HMCN1: variants seen among roughly 807,000 people sequenced by gnomAD.
The protein encoded by HMCN1 is hemicentin 1.
Under a neutral mutation model 625.9 loss-of-function variants are expected in HMCN1, and 321 were observed. That is an observed-to-expected ratio of 0.51 (90% confidence interval 0.47 to 0.56). The LOEUF (loss-of-function observed/expected upper bound fraction) is 0.56. Among genes scored for constraint, HMCN1 ranks in the 20% least tolerant of loss-of-function variants. The pLI is 0.00. For synonymous variants in HMCN1, 2,425 were observed against 2,417.6 expected, an observed-to-expected ratio of 1.00 and a Z score of -0.09; for missense variants, 6,588 against 6,887.3, an observed-to-expected ratio of 0.96 and a Z score of 1.54.
chr1:185,770,127 G>A (rs73060462), intron 1 of HMCN1, among the ~76,000 whole-genome samples: 7,271 of 152,048 alleles, frequency 0.048, 563 homozygotes, highest in African/African-American at 0.16. Context: ...TTTATAATGC[G>A]GAGAATGAAC....
At chr1:185,960,529 G>A (rs1241057425) in intron 11 of HMCN1, among the ~76,000 whole-genome samples, 1 of 152,146 alleles carries the variant, frequency 6.6e-6, no homozygotes, top group Non-Finnish European at 1.5e-5. Flanking sequence ...ATGACCCTGA[G>A]TAGCACCCTA....
chr1:186,187,804 C>T, intron 105 of HMCN1, 79 bp from the exon 106 acceptor site: 1 of 1,577,748 alleles, frequency 6.3e-7, no homozygotes, highest in Non-Finnish European at 8.7e-7. Context: ...ACATTCTAGT[C>T]ACACATCTAC....
At chr1:186,148,908 A>T (rs773351586) in intron 93 of HMCN1, among the ~76,000 whole-genome samples, 1 of 151,638 alleles carries the variant, frequency 6.6e-6, no homozygotes, top group Non-Finnish European at 1.5e-5. Flanking sequence ...TTCACATGTC[A>T]GTGGGCAGTA....
At position 186,005,388 on chromosome 1, in the gene HMCN1, A is replaced by G. The variant is rs55775980; in HGVS notation, c.4475+1544A>G. ...TTTTTAATTGTTTATAAATGTTTATAAACAAGTTTTTAATTGTTTATAAAT... is the reference window on the plus strand; with the variant it reads ...TTTTTAATTGTTTATAAATGTTTATGAACAAGTTTTTAATTGTTTATAAAT... On this transcript the variant is annotated intron_variant, in intron 29 of 106. Coordinates refer to ENST00000271588, the MANE Select transcript of HMCN1 (RefSeq NM_031935.3). 3.4e-4 allele frequency among the ~76,000 whole-genome samples: 50 copies of G among 147,898 alleles called. 2 individuals are homozygous for G. The highest frequency in any genetic ancestry group is 1.2e-3 in the African/African-American group (48 of 39,000).
Position 185,810,951 on chromosome 1 carries a change from C to T in HMCN1, c.269-35075C>T, listed in dbSNP as rs184039196. ...CAAAGAACAGTGTCAAAAATCTAAA[C>T]GTTTTTCCTTCAACATCTGCATTTG... On this transcript the variant is annotated intron_variant, in intron 1 of 106. Transcript: ENST00000271588. Among the ~76,000 whole-genome samples the T allele has an allele frequency of 2.1e-3, 317 of 152,122 alleles. 4 individuals are homozygous for T. The highest frequency in any genetic ancestry group is 7.2e-3 in the African/African-American group (297 of 41,486).
chr1:185,876,773 G>A (rs78823673), intron 4 of HMCN1, among the ~76,000 whole-genome samples: 7,531 of 151,250 alleles, frequency 0.05, 582 homozygotes, highest in African/African-American at 0.17. Context: ...TTTTCTTCTT[G>A]TTGAGTTGTT....
At chr1:186,074,925 T>A in intron 53 of HMCN1, 34 bp downstream of exon 53, 1 of 1,503,100 alleles carries the variant, frequency 6.7e-7, no homozygotes, top group Non-Finnish European at 9.2e-7. Context: ...ATAATGTAAT[T>A]TATATGATCT....
At chr1:186,174,742 T>C (rs1652454852) in intron 103 of HMCN1, 100 bp downstream of exon 103, 2 of 1,040,058 alleles carry the variant, frequency 1.9e-6, no homozygotes, top group Non-Finnish European at 3.0e-6. Context: ...AAATGGTCTC[T>C]TGTTACAATA....
rs116370709 is a variant in HMCN1 at position 185,900,050 on chromosome 1, A to G, written c.622-9287A>G. ...CTTTTTTTCTCCTCTCTTCCTCAACATGTTGAAAATGTCCTCCTGCCTCTG... is the reference window on the plus strand; with the variant it reads ...CTTTTTTTCTCCTCTCTTCCTCAACGTGTTGAAAATGTCCTCCTGCCTCTG... On this transcript the variant is annotated intron_variant, in intron 4 of 106. Transcript: ENST00000271588. 7.5e-3 allele frequency among the ~76,000 whole-genome samples: 1,138 copies of G among 151,852 alleles called. 7 individuals carry two copies. The highest frequency in any genetic ancestry group is 0.026 in the African/African-American group (1,087 of 41,448).
Position 186,189,951 on chromosome 1 carries a change from T to C in HMCN1, c.*73T>C, listed in dbSNP as rs1653620505. 2 of 1,553,620 alleles carry C rather than the reference T, an allele frequency of 1.3e-6. No homozygotes were observed. Among genetic ancestry groups the C allele is most frequent in the Non-Finnish European group, 1.8e-6 (2 of 1,133,958 alleles). ...GCAATCAAGCCCCCTTCCAGATTAC[T>C]GTCTCTTGAACAGTTGCAATCTTGG... On this transcript the variant is annotated 3_prime_UTR_variant, in exon 107 of 107. Transcript: ENST00000271588.
At position 186,016,945 on chromosome 1, in the gene HMCN1, A is replaced by G. The variant is rs1049904956; in HGVS notation, c.5192-18A>G. The stretch of plus-strand genomic sequence containing the variant: ...TTGTATACATTTCTTTGCATGTTAC[A>G]TTCCTGTTGTTTTCTAGTGCCACCA... On this transcript the variant is annotated intron_variant, in intron 32 of 106. Transcript: ENST00000271588. 2 of 1,360,612 alleles carry G rather than the reference A, an allele frequency of 1.5e-6. No homozygotes were observed. The highest frequency in any genetic ancestry group is 3.4e-5 in the Admixed American group (2 of 59,568). 84.3% of individuals were successfully genotyped at this position (1,360,612 alleles called of 1,614,324 possible).
In HMCN1 at chr1:186,166,270, C is replaced by T; in HGVS notation, c.15406C>T (p.Leu5136Phe). 1 of 1,614,148 alleles carries T rather than the reference C, an allele frequency of 6.2e-7. No individual in the cohort carries two copies. Among genetic ancestry groups the T allele is most frequent in the South Asian group, 1.1e-5 (1 of 91,090 alleles). ...GTYYCSCPKGLTIAADGRTCQ... is the reference protein window; with the variant it reads ...GTYYCSCPKGFTIAADGRTCQ... Reference sequence around the variant, plus strand: ...TTACTACTGCTCCTGCCCTAAAGGCCTCACCATAGCTGCAGATGGAAGAAC... The same window carrying T: ...TTACTACTGCTCCTGCCCTAAAGGCTTCACCATAGCTGCAGATGGAAGAAC... Residue 5136 changes from leucine (L) to phenylalanine (F), a missense_variant, in exon 99 of 107, where the codon CTC becomes TTC. Leu to Phe is a conservative substitution (Grantham distance 22, BLOSUM62 0). Coordinates refer to ENST00000271588, the MANE Select transcript of HMCN1 (RefSeq NM_031935.3).
intron 1 of HMCN1, among the ~76,000 whole-genome samples, chr1:185,824,061 G>A (rs750518590): frequency 1.3e-5 from 2 of 152,082 alleles, no homozygotes; most frequent in Non-Finnish European, 2.9e-5. Context: ...AAAATATTCT[G>A]TGCTTACTGT....
At chr1:185,989,373 C>G in intron 20 of HMCN1, 115 bp from the exon 21 acceptor site, 1 of 1,165,888 alleles carries the variant, frequency 8.6e-7, no homozygotes, top group Non-Finnish European at 1.3e-6. Flanking sequence ...TTACTCTATT[C>G]CCCTCTTGGA....
At chr1:186,011,147 G>A (rs1414160634) in intron 30 of HMCN1, among the ~76,000 whole-genome samples, 2 of 152,160 alleles carry the variant, frequency 1.3e-5, no homozygotes, top group African/African-American at 4.8e-5. Flanking sequence ...TTCGGTTCAA[G>A]TGATTCTCCT....
At chr1:185,838,573 G>C (rs1021607045) in intron 1 of HMCN1, among the ~76,000 whole-genome samples, 1 of 152,178 alleles carries the variant, frequency 6.6e-6, no homozygotes, top group African/African-American at 2.4e-5. Flanking sequence ...AGAGAATCTT[G>C]TGGTGGTGGG....
At chr1:186,164,270 C>T (rs58446489) in intron 97 of HMCN1, among the ~76,000 whole-genome samples, 1,984 of 140,762 alleles carry the variant, frequency 0.014, 28 homozygotes, top group African/African-American at 0.046. Context: ...GACAGAGTCT[C>T]GCTCTGTCCC....
intron 14 of HMCN1, 55 bp from the exon 15 acceptor site, chr1:185,970,280 C>A: frequency 2.7e-6 from 4 of 1,490,726 alleles, no homozygotes; most frequent in Middle Eastern, 1.7e-4. Context: ...CCAATAGCTG[C>A]ATAAACAATT....
At chr1:185,985,158 A>T (rs1198959530) in intron 19 of HMCN1, among the ~76,000 whole-genome samples, 1 of 152,186 alleles carries the variant, frequency 6.6e-6, no homozygotes, top group Non-Finnish European at 1.5e-5. Context: ...GCTTCTCTTA[A>T]ACAGCCTCTT....
Sources: gnomAD v4.1 joint callset for allele counts (sites outside exome capture counted in the v4.1 genomes callset) on GRCh38, gnomAD v4.1.1 for gene constraint, MANE v1.5 for transcripts, NCBI Gene and HGNC (gene_info 2026-07-23, HGNC 2026-07-21) for gene names.